Variants in MACROD2 observed in about 807,000 individuals in gnomAD.
MACROD2 encodes the protein ADP-ribose glycohydrolase MACROD2.
Under a neutral mutation model 70.4 loss-of-function variants are expected in MACROD2, and 36 were observed. The ratio of observed to expected loss-of-function variants is 0.51; its 90% CI spans 0.39 to 0.68. The LOEUF (loss-of-function observed/expected upper bound fraction) is 0.68, where lower values mean the gene tolerates loss of function less well. Among genes scored for constraint, MACROD2 ranks in the 30% least tolerant of loss-of-function variants. The probability of loss-of-function intolerance (pLI) is 0.00; values close to 1 mark genes in which losing one functional copy is unlikely to be tolerated. For missense variants in MACROD2, 496 were observed against 538.4 expected (o/e 0.92, Z 0.78); for synonymous variants, 172 against 178.8 (o/e 0.96, Z 0.30).
chr20:15,078,218 G>A (rs1055487952), intron 5 of MACROD2, among the ~76,000 whole-genome samples: 6 of 152,120 alleles, frequency 3.9e-5, no homozygotes, highest in East Asian at 1.9e-4. Flanking sequence ...AGTTAAAAGC[G>A]GCCAAAGAGC....
chr20:14,291,362 G>A (rs2082384654), intron 3 of MACROD2, among the ~76,000 whole-genome samples: 1 of 152,086 alleles, frequency 6.6e-6, no homozygotes, highest in Admixed American at 6.5e-5. Flanking sequence ...TTGAGCTTGA[G>A]ATTTGGACAT....
At chr20:15,296,735 TAAG>T (rs1161209147) in intron 6 of MACROD2, among the ~76,000 whole-genome samples, 4 of 152,340 alleles carry the variant, frequency 2.6e-5, no homozygotes, top group African/African-American at 4.8e-5. Flanking sequence ...TTCTGATCCC[TAAG>T]AAGAATATCT....
chr20:15,686,091 G>A (rs2050221108), intron 8 of MACROD2, among the ~76,000 whole-genome samples: 1 of 152,234 alleles, frequency 6.6e-6, no homozygotes, highest in Non-Finnish European at 1.5e-5. Flanking sequence ...AGGTGGAAAT[G>A]ATGAGTTGGC....
At chr20:14,386,636 G>C (rs938885034) in intron 3 of MACROD2, among the ~76,000 whole-genome samples, 8 of 152,066 alleles carry the variant, frequency 5.3e-5, no homozygotes, top group Admixed American at 2.0e-4. Context: ...CTTTTGCCAT[G>C]TGACATGCCA....
intron 5 of MACROD2, among the ~76,000 whole-genome samples, chr20:14,981,033 T>A (rs996923922): frequency 2.8e-4 from 42 of 147,510 alleles, no homozygotes; most frequent in African/African-American, 1.0e-3. Flanking sequence ...TGTGTGTGTG[T>A]GTGTGTGTGT....
At chr20:14,651,961 A>G (rs1179260823) in intron 4 of MACROD2, among the ~76,000 whole-genome samples, 1 of 152,130 alleles carries the variant, frequency 6.6e-6, no homozygotes, top group Non-Finnish European at 1.5e-5. Flanking sequence ...TATTATTACA[A>G]ATCTTACTGG....
chr20:15,592,150 G>A (rs916147398), intron 8 of MACROD2, among the ~76,000 whole-genome samples: 2 of 152,184 alleles, frequency 1.3e-5, no homozygotes, highest in African/African-American at 4.8e-5. Flanking sequence ...ATGTTTTAGT[G>A]TCCTTACCTA....
rs2066497242 is a variant in MACROD2 at position 15,987,152 on chromosome 20, GA to G, written c.1152del (p.Ala385LeufsTer19). 4 of 1,608,404 alleles carry G rather than the reference GA, an allele frequency of 2.5e-6. No individual in the cohort carries two copies. Among genetic ancestry groups the G allele is most frequent in the Admixed American group, 3.4e-5 (2 of 58,384 alleles). On this transcript the variant is annotated frameshift_variant, in exon 15 of 18. Coordinates refer to ENST00000684519, the MANE Select transcript of MACROD2 (RefSeq NM_001351661.2). LOFTEE classifies it high-confidence loss of function. ...AGAGGACCAAGAAGAAAAAGAAGGT[GA>G]AAAAGGTAGGACTGCTCTTAAATTA... is the stretch of plus-strand genomic sequence containing the variant. ...LTEDQEEKEGEKAPGEDTPRM... is the reference protein window; with the variant it reads ...LTEDQEEKEGXKAPGEDTPRM...
intron 8 of MACROD2, among the ~76,000 whole-genome samples, chr20:15,592,283 T>C (rs972466911): frequency 2.6e-5 from 4 of 152,246 alleles, no homozygotes; most frequent in Admixed American, 2.6e-4. Context: ...TAATCACTTC[T>C]ATTGTTAAGA....
intron 5 of MACROD2, among the ~76,000 whole-genome samples, chr20:15,118,227 C>T (rs1414390680): frequency 6.8e-6 from 1 of 147,392 alleles, no homozygotes; most frequent in African/African-American, 2.5e-5. Flanking sequence ...AGGGTCTCGC[C>T]CTGTTACCAG....
At chr20:14,535,100 AAATG>A (rs1170397147) in intron 4 of MACROD2, among the ~76,000 whole-genome samples, 1 of 152,236 alleles carries the variant, frequency 6.6e-6, no homozygotes, top group Non-Finnish European at 1.5e-5. Context: ...TTTATGCAGA[AAATG>A]AATGATTTTA....
intron 6 of MACROD2, among the ~76,000 whole-genome samples, chr20:15,255,020 G>A (rs1161544646): frequency 2.0e-5 from 3 of 149,826 alleles, no homozygotes; most frequent in African/African-American, 7.4e-5. Flanking sequence ...GAGCTCCTGG[G>A]GATACATCAT....
chr20:15,559,545 A>G (rs1018535550), intron 8 of MACROD2, among the ~76,000 whole-genome samples: 4 of 152,198 alleles, frequency 2.6e-5, no homozygotes, highest in Non-Finnish European at 5.9e-5. Flanking sequence ...ACTTCTGTCA[A>G]CCCTTGGAAG....
At chr20:14,839,303 C>G (rs1018689965) in intron 5 of MACROD2, among the ~76,000 whole-genome samples, 6 of 152,068 alleles carry the variant, frequency 3.9e-5, no homozygotes, top group African/African-American at 1.2e-4. Context: ...CTTCTTAATA[C>G]TTTAAAACAC....
rs545381227 is a variant in MACROD2 at position 14,686,856 on chromosome 20, A to G, written c.418+1897A>G. Among the ~76,000 whole-genome samples the G allele has an allele frequency of 3.9e-4, 60 of 152,158 alleles. No individual in the cohort carries two copies. In the Middle Eastern group the frequency reaches 0.01, roughly 26 times the overall value. ...TTTTCATTTATTTTTCTTTGTTAGT[A>G]TCTTTACCTAGTGTGAAATAGTCAA... On this transcript the variant is annotated intron_variant, in intron 5 of 17. Coordinates refer to ENST00000684519, the MANE Select transcript of MACROD2 (RefSeq NM_001351661.2).
intron 5 of MACROD2, among the ~76,000 whole-genome samples, chr20:14,803,021 A>G (rs1407872924): frequency 6.6e-6 from 1 of 152,010 alleles, no homozygotes; most frequent in Non-Finnish European, 1.5e-5. Flanking sequence ...GAATTTTTAC[A>G]TATACTCAAT....
intron 8 of MACROD2, among the ~76,000 whole-genome samples, chr20:15,781,217 G>C (rs1044345084): frequency 1.3e-5 from 2 of 152,146 alleles, no homozygotes; most frequent in African/African-American, 4.8e-5. Context: ...TCACACAGCT[G>C]TATAGCAATT....
chr20:14,481,210 A>T (rs1366145291), intron 3 of MACROD2, among the ~76,000 whole-genome samples: 1 of 152,154 alleles, frequency 6.6e-6, no homozygotes, highest in Admixed American at 6.5e-5. Flanking sequence ...TATTGTTTTC[A>T]TAAATCTAAA....
chr20:14,592,196 G>A (rs1170574868), intron 4 of MACROD2, among the ~76,000 whole-genome samples: 1 of 152,112 alleles, frequency 6.6e-6, no homozygotes, highest in Non-Finnish European at 1.5e-5. Flanking sequence ...TTAATAGAAG[G>A]CAGTCATGAA....
Sources: gnomAD v4.1 joint callset for allele counts (sites outside exome capture counted in the v4.1 genomes callset) on GRCh38, gnomAD v4.1.1 for gene constraint, MANE v1.5 for transcripts, NCBI Gene and HGNC (gene_info 2026-07-23, HGNC 2026-07-21) for gene names.